Variants in PSD3 observed in about 807,000 individuals in gnomAD.
PSD3 encodes the protein PH and SEC7 domain-containing protein 3.
In PSD3, 49 loss-of-function variants were observed where a neutral mutation model predicts 105.5. The observed-to-expected ratio is 0.46, with a 90% confidence interval of 0.37 to 0.59. The LOEUF is 0.59. PSD3 is among the 20% of genes least tolerant of loss of function. The pLI is 0.00. For synonymous variants in PSD3, 557 were observed against 457.8 expected, an observed-to-expected ratio of 1.22 and a Z score of -2.77; for missense variants, 1,561 against 1,263.8, an observed-to-expected ratio of 1.24 and a Z score of -3.57.
At chr8:18,825,090 C>T (rs1028315402) in intron 4 of PSD3, among the ~76,000 whole-genome samples, 1 of 152,162 alleles carries the variant, frequency 6.6e-6, no homozygotes, top group African/African-American at 2.4e-5. Flanking sequence ...CCCTGCCTTT[C>T]TGCAATACTA....
chr8:18,555,302 A>G (rs922291604), intron 15 of PSD3, among the ~76,000 whole-genome samples: 3 of 152,096 alleles, frequency 2.0e-5, no homozygotes, highest in East Asian at 1.9e-4. Context: ...AAGATTTTAA[A>G]TTTCAAGCCT....
At chr8:18,696,757 T>C (rs1409461776) in intron 9 of PSD3, among the ~76,000 whole-genome samples, 4 of 152,198 alleles carry the variant, frequency 2.6e-5, no homozygotes, top group Admixed American at 6.5e-5. Context: ...AAGGGAGCAG[T>C]AGTGTGCCTC....
At chr8:18,568,634 G>A (rs1801943221) in intron 14 of PSD3, among the ~76,000 whole-genome samples, 1 of 151,760 alleles carries the variant, frequency 6.6e-6, no homozygotes. Flanking sequence ...AGCTACCTTG[G>A]TTATCTCTCC....
chr8:18,535,635 C>T lies in PSD3; in HGVS notation c.*108G>A. On this transcript the variant is annotated 3_prime_UTR_variant, in exon 16 of 16. Coordinates refer to ENST00000327040, the MANE Select transcript of PSD3 (RefSeq NM_015310.4). The stretch of plus-strand genomic sequence containing the variant: ...ACAATAGAAAAAATTACTAATGCAC[C>T]GTTTTGTCACAGACTTTTTTTTTTT... 5.5e-6 allele frequency: 5 copies of T among 904,364 alleles called. No homozygotes were observed. Among genetic ancestry groups the T allele is most frequent in the Non-Finnish European group, 6.8e-6 (4 of 588,446 alleles). The allele number at this position is 904,364 out of a possible 1,614,324, so 56.0% of individuals were successfully genotyped here.
At chr8:18,575,842 G>A (rs952154202) in intron 12 of PSD3, among the ~76,000 whole-genome samples, 1 of 152,068 alleles carries the variant, frequency 6.6e-6, no homozygotes, top group Admixed American at 6.6e-5. Flanking sequence ...TCTGCTGAAA[G>A]AAAAGAGGAA....
At chr8:18,895,961 C>T (rs1819122464) in intron 2 of PSD3, among the ~76,000 whole-genome samples, 1 of 152,188 alleles carries the variant, frequency 6.6e-6, no homozygotes, top group Non-Finnish European at 1.5e-5. Flanking sequence ...GCTATACCTA[C>T]TCCCCTTCCC....
intron 2 of PSD3, among the ~76,000 whole-genome samples, chr8:18,909,507 C>G (rs562057083): frequency 6.6e-6 from 1 of 152,006 alleles, no homozygotes; most frequent in Non-Finnish European, 1.5e-5. Flanking sequence ...TAAGAGGAAG[C>G]CTTGCCCTGT....
intron 9 of PSD3, among the ~76,000 whole-genome samples, chr8:18,716,800 T>C (rs901350975): frequency 2.0e-5 from 3 of 152,222 alleles, no homozygotes; most frequent in African/African-American, 7.2e-5. Context: ...CTTCATTTGA[T>C]CTTCTATGGA....
intron 11 of PSD3, among the ~76,000 whole-genome samples, chr8:18,610,887 C>T (rs1390591437): frequency 3.9e-5 from 6 of 152,088 alleles, no homozygotes; most frequent in Non-Finnish European, 7.4e-5. Context: ...CCATGATGCC[C>T]ACTATTTCTC....
chr8:18,664,710 G>T (rs1451789404), intron 9 of PSD3, among the ~76,000 whole-genome samples: 1 of 152,204 alleles, frequency 6.6e-6, no homozygotes, highest in South Asian at 2.1e-4. Context: ...CTAGGACTTT[G>T]ATAGCTAGGG....
chr8:18,727,583 C>CAT (rs397816003), intron 9 of PSD3, among the ~76,000 whole-genome samples: 4 of 147,588 alleles, frequency 2.7e-5, no homozygotes, highest in Admixed American at 2.1e-4. Context: ...CACACACACA[C>CAT]GCACGCACAC....
At chr8:18,974,204 A>T (rs114143209) in intron 1 of PSD3, among the ~76,000 whole-genome samples, 5 of 152,208 alleles carry the variant, frequency 3.3e-5, no homozygotes, top group Non-Finnish European at 7.3e-5. Flanking sequence ...AGGCATTATT[A>T]TGCCCATGTT....
chr8:18,871,987 G>A lies in PSD3; in HGVS notation c.877C>T (p.Pro293Ser). ...GCDRSSSMGR[P>S]GRVKHVEFQG... is the part of the protein sequence containing the mutation. ...AATTCCACATGTTTGACCCGGCCTG[G>A]GCGTCCCATGGAGCTGCTTCGATCA... Residue 293 changes from proline to serine, a missense_variant, in exon 3 of 16, where the codon CCA (proline) becomes TCA (serine). Pro to Ser is a moderately conservative substitution (Grantham distance 74). Transcript: ENST00000327040. 2 of 1,614,084 alleles carry A rather than the reference G, an allele frequency of 1.2e-6. No individual in the cohort carries two copies. Among genetic ancestry groups the A allele is most frequent in the Middle Eastern group, 3.3e-4 (2 of 6,062 alleles).
chr8:18,585,744 C>A (rs1803131616), intron 12 of PSD3, among the ~76,000 whole-genome samples: 1 of 152,260 alleles, frequency 6.6e-6, no homozygotes, highest in East Asian at 1.9e-4. Flanking sequence ...TACTGTGCAA[C>A]AGGTGTTTTC....
At chr8:18,768,634 C>G (rs1039138574) in intron 8 of PSD3, among the ~76,000 whole-genome samples, 1 of 152,164 alleles carries the variant, frequency 6.6e-6, no homozygotes, top group African/African-American at 2.4e-5. Context: ...TATGTATACA[C>G]AACCTCAAAT....
intron 1 of PSD3, among the ~76,000 whole-genome samples, chr8:18,997,778 C>G (rs921895760): frequency 1.3e-5 from 2 of 151,186 alleles, no homozygotes; most frequent in African/African-American, 4.9e-5. Flanking sequence ...GTGCACTTAC[C>G]TTCCTTCTTC....
At chr8:19,011,215 C>A (rs1205162525) in intron 1 of PSD3, among the ~76,000 whole-genome samples, 2 of 152,170 alleles carry the variant, frequency 1.3e-5, no homozygotes, top group African/African-American at 4.8e-5. Flanking sequence ...AGCAGATACA[C>A]ATTTTAATAT....
chr8:19,001,199 A>G (rs1826364764), intron 1 of PSD3, among the ~76,000 whole-genome samples: 2 of 151,526 alleles, frequency 1.3e-5, no homozygotes, highest in Admixed American at 1.3e-4. Context: ...GGCTCAAGCA[A>G]TCCTCCCTCC....
At chr8:18,687,591 C>T (rs549146415) in intron 9 of PSD3, among the ~76,000 whole-genome samples, 1 of 151,930 alleles carries the variant, frequency 6.6e-6, no homozygotes, top group African/African-American at 2.4e-5. Context: ...GTACCATTTT[C>T]CTGTTCAGTC....
Sources: allele counts gnomAD v4.1 joint callset (sites outside exome capture counted in the v4.1 genomes callset), GRCh38; gene constraint gnomAD v4.1.1; transcripts MANE v1.5; gene names NCBI Gene and HGNC (gene_info 2026-07-23, HGNC 2026-07-21).